Variants in UBR1 observed in about 807,000 individuals in gnomAD.
UBR1 encodes ubiquitin protein ligase E3 component n-recognin 1.
UBR1 carries 102 observed loss-of-function variants against 242.1 expected under a neutral mutation model. The observed-to-expected ratio is 0.42, with a 90% CI of 0.36 to 0.50. The LOEUF is 0.50. Among genes scored for constraint, UBR1 ranks in the 20% least tolerant of loss-of-function variants. The pLI, the probability that UBR1 is intolerant of heterozygous loss-of-function variation, is 0.01. For missense variants in UBR1, 1,772 were observed against 2,101.8 expected (o/e 0.84, Z 3.07); for synonymous variants, 675 against 684.8 (o/e 0.99, Z 0.22).
intron 30 of UBR1, among the ~76,000 whole-genome samples, chr15:43,004,441 C>T (rs2032773276): frequency 6.6e-6 from 1 of 152,176 alleles, no homozygotes; most frequent in African/African-American, 2.4e-5. Flanking sequence ...CGAGGCTGGA[C>T]TGTACTGCCG....
rs568232521 is a variant in UBR1 at position 43,039,827 on chromosome 15, G to C, written c.1850-1595C>G. Among the ~76,000 whole-genome samples the C allele has an allele frequency of 9.5e-4, 145 of 152,176 alleles. 1 individual carries two copies. In the East Asian group the frequency reaches 0.025, roughly 27 times the overall value. On this transcript the variant is annotated intron_variant, in intron 15 of 46. Coordinates refer to ENST00000290650, the MANE Select transcript of UBR1 (RefSeq NM_174916.3). Reference sequence around the variant, plus strand: ...ATTGGCTGTGGGTTTGTCATAAATAGCTCTTATTATTTTGAGATATGTCCC... The same window carrying C: ...ATTGGCTGTGGGTTTGTCATAAATACCTCTTATTATTTTGAGATATGTCCC...
chr15:42,988,934 A>T lies in UBR1; in HGVS notation c.3882T>A (p.Val1294=). The change falls in exon 35 of 47, where the codon GTT becomes GTA. Residue 1294 remains valine (V), a synonymous_variant. Coordinates refer to ENST00000290650, the MANE Select transcript of UBR1 (RefSeq NM_174916.3). ...TATAAATTGTTGTGGCAAAGAGAAT[A>T]ACCATTTCCTTGATGCTATTTGAAT... The part of the protein sequence containing the change: ...IKYSNSIKEM[V]ILFATTIYRI... The T allele has an allele frequency of 6.2e-7, 1 of 1,607,932 alleles. No individual in the cohort carries two copies. The highest frequency in any genetic ancestry group is 8.5e-7 in the Non-Finnish European group (1 of 1,174,352).
intron 4 of UBR1, 32 bp from the exon 5 acceptor site, chr15:43,070,957 A>C (rs1168344747): frequency 6.2e-7 from 1 of 1,609,506 alleles, no homozygotes; most frequent in East Asian, 2.2e-5. Context: ...CATACTAGTC[A>C]AGATTGTATA....
Position 43,051,938 on chromosome 15 carries a change from T to C in UBR1, c.1439+2804A>G, listed in dbSNP as rs116840840. ...GGTTAGAGTAATAAAAGAATAATAT[T>C]GTTCCTCAATAGCACCAAGGTTCAA... On this transcript the variant is annotated intron_variant, in intron 12 of 46. Coordinates refer to ENST00000290650, the MANE Select transcript of UBR1 (RefSeq NM_174916.3). Among the ~76,000 whole-genome samples the C allele has an allele frequency of 1.1e-3, 169 of 152,304 alleles. 2 individuals are homozygous for C. The East Asian group carries it at 0.03, about 27-fold the overall frequency.
intron 28 of UBR1, among the ~76,000 whole-genome samples, chr15:43,016,371 T>A (rs2033023782): frequency 6.6e-6 from 1 of 152,190 alleles, no homozygotes; most frequent in African/African-American, 2.4e-5. Flanking sequence ...ACAAATAATA[T>A]TATTCTAATA....
At position 43,002,520 on chromosome 15, in the gene UBR1, T is replaced by C. The variant is rs1201439667; in HGVS notation, c.3659+35A>G. 1.9e-6 allele frequency: 3 copies of C among 1,605,322 alleles called. No individual in the cohort carries two copies. The Admixed American group carries it at 5.0e-5, about 27-fold the overall frequency. ...ACAGGCCACTGCACCTGGCCAACTT[T>C]TAAAAAATTAACCAAAACATAAATT... On this transcript the variant is annotated intron_variant, in intron 32 of 46. Coordinates refer to ENST00000290650, the MANE Select transcript of UBR1 (RefSeq NM_174916.3).
intron 3 of UBR1, among the ~76,000 whole-genome samples, chr15:43,081,828 T>G (rs977680390): frequency 2.0e-5 from 3 of 152,042 alleles, no homozygotes; most frequent in Admixed American, 2.0e-4. Flanking sequence ...TGAGAACCTA[T>G]CCTAAGGAAA....
intron 1 of UBR1, among the ~76,000 whole-genome samples, chr15:43,099,902 G>T (rs2034208774): frequency 6.7e-6 from 1 of 149,714 alleles, no homozygotes; most frequent in African/African-American, 2.5e-5. Flanking sequence ...TTTAGACGGA[G>T]TCTCACTCTG....
intron 1 of UBR1, among the ~76,000 whole-genome samples, chr15:43,097,259 A>C (rs2034172852): frequency 6.6e-6 from 1 of 152,150 alleles, no homozygotes; most frequent in African/African-American, 2.4e-5. Flanking sequence ...AGTTCTCTAC[A>C]GTGGACTTAA....
chr15:43,038,247 AC>A lies in UBR1; in HGVS notation c.1850-16del, dbSNP rs781349926. The A allele has an allele frequency of 2.5e-6, 4 of 1,613,776 alleles. No homozygotes were observed. Among genetic ancestry groups the A allele is most frequent in the Admixed American group, 1.7e-5 (1 of 60,010 alleles). On this transcript the variant is annotated splice_polypyrimidine_tract_variant and intron_variant, in intron 15 of 46. Coordinates refer to ENST00000290650, the MANE Select transcript of UBR1 (RefSeq NM_174916.3). ...TACATGAAGACCTAAAGTTAAAAAA[AC>A]GAGAGAGAAAATGAGAAAACAAACC...
chr15:43,068,089 T>TTA, intron 5 of UBR1, 53 bp from the exon 6 acceptor site: 1 of 787,320 alleles, frequency 1.3e-6, no homozygotes, highest in Non-Finnish European at 1.7e-6. Context: ...AAAGGAAAAG[T>TTA]AAAAAAAAAA....
At chr15:42,998,344 G>C in intron 32 of UBR1, 79 bp from the exon 33 acceptor site, 1 of 1,280,812 alleles carries the variant, frequency 7.8e-7, no homozygotes, top group Non-Finnish European at 1.1e-6. Context: ...TTATTTCCTT[G>C]GATAAATGGT....
intron 4 of UBR1, 85 bp from the exon 5 acceptor site, chr15:43,071,010 A>T: frequency 6.5e-7 from 1 of 1,532,142 alleles, no homozygotes; most frequent in Non-Finnish European, 8.9e-7. Flanking sequence ...TAAAATAATC[A>T]CTTTGCTGAA....
intron 15 of UBR1, among the ~76,000 whole-genome samples, chr15:43,042,090 A>G (rs766336229): frequency 7.9e-5 from 12 of 152,210 alleles, no homozygotes; most frequent in Non-Finnish European, 1.6e-4. Context: ...GTGGGAATGT[A>G]AAATGGTACA....
Position 42,970,873 on chromosome 15 carries a change from C to CT in UBR1, c.4370-267_4370-266insA, listed in dbSNP as rs530805267. On this transcript the variant is annotated intron_variant, in intron 39 of 46. Transcript: ENST00000290650. The stretch of plus-strand genomic sequence containing the variant: ...AACTAGCTGGGATTACAGGCGTATG[C>CT]CACCATGCCCAGCTAATTTTGTATT... Among the ~76,000 whole-genome samples, 362 of 152,272 alleles carry CT rather than the reference C, an allele frequency of 2.4e-3. 2 individuals carry two copies. Among genetic ancestry groups the CT allele is most frequent in the Non-Finnish European group, 4.1e-3 (277 of 68,024 alleles).
Position 43,070,923 on chromosome 15 carries a change from A to C in UBR1, c.531T>G (p.Asn177Lys). The C allele has an allele frequency of 6.2e-7, 1 of 1,613,098 alleles. No homozygotes were observed. Among genetic ancestry groups the C allele is most frequent in the Non-Finnish European group, 8.5e-7 (1 of 1,179,960 alleles). Residue 177 changes from asparagine (N) to lysine (K), a missense_variant and splice_region_variant, in exon 5 of 47, where the codon AAT becomes AAG. Physicochemically the swap from Asn to Lys is moderately conservative, Grantham distance 94 (BLOSUM62 0). This residue lies in a region of UBR1 where 734 missense variants were observed against 893.3 expected (regional missense o/e 0.82). Transcript: ENST00000290650. ...CCTCTTCATTCAACGGACAGCGTGA[A>C]TTCTATAAAAAAGCCGAGAAAAACA... ...EPGRAGTIKE[N>K]SRCPLNEEVI...
rs2031686659 is a variant in UBR1 at position 42,943,640 on chromosome 15, G to A, written c.*1689C>T. On this transcript the variant is annotated 3_prime_UTR_variant, in exon 47 of 47. Coordinates refer to ENST00000290650, the MANE Select transcript of UBR1 (RefSeq NM_174916.3). Reference sequence around the variant, plus strand: ...TTGGGGCCCATCTATTAGGGTAGAAGTCAGTATCTTCTGTTTCCTATTCTA... The same window carrying A: ...TTGGGGCCCATCTATTAGGGTAGAAATCAGTATCTTCTGTTTCCTATTCTA... 1 of 152,196 alleles carries A rather than the reference G, an allele frequency of 6.6e-6. No individual in the cohort carries two copies. Among genetic ancestry groups the A allele is most frequent in the South Asian group, 2.1e-4 (1 of 4,830 alleles). 9.4% of individuals were successfully genotyped at this position (152,196 alleles called of 1,614,324 possible).
rs527836402 is a variant in UBR1, at chr15:43,043,123, G to A, written c.1849+92C>T. 20 of 1,407,814 alleles carry A rather than the reference G, an allele frequency of 1.4e-5. No homozygotes were observed. The Admixed American group carries it at 3.3e-4, about 23-fold the overall frequency. The allele number at this position is 1,407,814 out of a possible 1,614,324, so 87.2% of individuals were successfully genotyped here. On this transcript the variant is annotated intron_variant, in intron 15 of 46. Transcript: ENST00000290650. ...TGACCTGAGCATGTCTGTACATATT[G>A]AGCACAGAACAAAAATAGAAATGAT...
At chr15:42,976,673 T>G in intron 39 of UBR1, 44 bp downstream of exon 39, 2 of 1,610,962 alleles carry the variant, frequency 1.2e-6, no homozygotes. Context: ...CAGTAAAGCA[T>G]GGCAAAATGT....
Sources: gnomAD v4.1 joint callset for allele counts (sites outside exome capture counted in the v4.1 genomes callset) on GRCh38, gnomAD v4.1.1 for gene constraint, gnomAD v4.1.1 regional missense constraint, MANE v1.5 for transcripts, NCBI Gene and HGNC (gene_info 2026-07-23, HGNC 2026-07-21) for gene names.